Variants in GALNTL6 observed in about 807,000 individuals in gnomAD.
GALNTL6 encodes the protein polypeptide N-acetylgalactosaminyltransferase like 6, also known as polypeptide N-acetylgalactosaminyltransferase-like 6.
A neutral mutation model predicts 73.7 loss-of-function variants in GALNTL6; 46 were observed. The observed-to-expected ratio is 0.62, with a 90% CI of 0.49 to 0.80. The LOEUF (loss-of-function observed/expected upper bound fraction) is 0.80, where lower values mean the gene tolerates loss of function less well. Among genes scored for constraint, GALNTL6 ranks in the 30% least tolerant of loss-of-function variants. The probability of loss-of-function intolerance (pLI) is 0.00; values close to 1 mark genes in which losing one functional copy is unlikely to be tolerated. For synonymous variants in GALNTL6, 259 were observed against 263.7 expected (o/e 0.98, Z 0.17); for missense variants, 604 against 755.0 (o/e 0.80, Z 2.34).
At chr4:171,873,357 C>T (rs546468618) in intron 2 of GALNTL6, among the ~76,000 whole-genome samples, 27 of 152,106 alleles carry the variant, frequency 1.8e-4, no homozygotes, top group Non-Finnish European at 2.5e-4. Flanking sequence ...ATCTTTTCTA[C>T]GCCATATGTA....
At chr4:172,282,937 A>T (rs1248940130) in intron 3 of GALNTL6, among the ~76,000 whole-genome samples, 1 of 152,162 alleles carries the variant, frequency 6.6e-6, no homozygotes, top group African/African-American at 2.4e-5. Context: ...TAAGACAAGG[A>T]AGAAATTAAG....
chr4:172,133,774 G>T (rs898592233), intron 2 of GALNTL6, among the ~76,000 whole-genome samples: 1 of 152,196 alleles, frequency 6.6e-6, no homozygotes, highest in Admixed American at 6.5e-5. Context: ...AGCATGGAAA[G>T]GCATGGCATA....
intron 2 of GALNTL6, among the ~76,000 whole-genome samples, chr4:172,197,189 A>G (rs573382788): frequency 7.9e-5 from 12 of 151,792 alleles, no homozygotes; most frequent in Admixed American, 3.3e-4. Flanking sequence ...TTCATGTACA[A>G]TTGCTACAAA....
chr4:172,193,342 T>C (rs1735643509), intron 2 of GALNTL6, among the ~76,000 whole-genome samples: 1 of 152,148 alleles, frequency 6.6e-6, no homozygotes, highest in Non-Finnish European at 1.5e-5. Flanking sequence ...TTTGCTGTTT[T>C]TCAGCATTCA....
intron 2 of GALNTL6, among the ~76,000 whole-genome samples, chr4:172,162,319 A>G (rs1189044841): frequency 6.6e-6 from 1 of 151,842 alleles, no homozygotes; most frequent in African/African-American, 2.4e-5. Context: ...GGAAATCAAT[A>G]TTATCTGTGA....
At chr4:172,173,804 T>C (rs1219060186) in intron 2 of GALNTL6, among the ~76,000 whole-genome samples, 1 of 152,148 alleles carries the variant, frequency 6.6e-6, no homozygotes, top group Non-Finnish European at 1.5e-5. Context: ...ATAGGGTATT[T>C]GAGTCAGAAG....
intron 9 of GALNTL6, 27 bp from the exon 10 acceptor site, chr4:172,952,010 T>C: frequency 7.1e-7 from 1 of 1,414,150 alleles, no homozygotes; most frequent in Non-Finnish European, 9.3e-7. Flanking sequence ...AACCAATAAA[T>C]GACATTTTTG....
intron 2 of GALNTL6, among the ~76,000 whole-genome samples, chr4:171,940,579 T>G (rs1738499613): frequency 6.6e-6 from 1 of 152,068 alleles, no homozygotes; most frequent in Non-Finnish European, 1.5e-5. Context: ...TTCAACATTT[T>G]GAGAGGCCAA....
chr4:171,872,619 G>A (rs944148480), intron 2 of GALNTL6, among the ~76,000 whole-genome samples: 2 of 152,158 alleles, frequency 1.3e-5, no homozygotes, highest in Admixed American at 6.5e-5. Flanking sequence ...TCCCTTTGGA[G>A]GTGCTAGGGA....
chr4:172,187,209 T>G (rs1357311697), intron 2 of GALNTL6, among the ~76,000 whole-genome samples: 2 of 152,148 alleles, frequency 1.3e-5, no homozygotes, highest in Non-Finnish European at 2.9e-5. Flanking sequence ...TTTTCTATCA[T>G]GGTAATGAAA....
intron 5 of GALNTL6, among the ~76,000 whole-genome samples, chr4:172,565,942 A>C (rs377092892): frequency 4.6e-5 from 7 of 152,176 alleles, no homozygotes; most frequent in African/African-American, 1.7e-4. Flanking sequence ...GAGACAAAGA[A>C]GGACATTATA....
At chr4:172,625,437 C>T (rs1246651569) in intron 5 of GALNTL6, among the ~76,000 whole-genome samples, 3 of 151,724 alleles carry the variant, frequency 2.0e-5, no homozygotes, top group Admixed American at 6.6e-5. Flanking sequence ...TCCAATCTGC[C>T]GTTGATTCTA....
At chr4:172,792,237 T>C (rs1740033742) in intron 5 of GALNTL6, among the ~76,000 whole-genome samples, 1 of 152,230 alleles carries the variant, frequency 6.6e-6, no homozygotes, top group South Asian at 2.1e-4. Flanking sequence ...TGGCCAATAG[T>C]ATGTAATGTA....
chr4:172,676,435 G>A (rs1282674515), intron 5 of GALNTL6, among the ~76,000 whole-genome samples: 4 of 152,102 alleles, frequency 2.6e-5, no homozygotes, highest in Non-Finnish European at 5.9e-5. Flanking sequence ...GAAAATAGAC[G>A]TCTATTCTAC....
At chr4:172,122,414 T>C (rs1212096807) in intron 2 of GALNTL6, among the ~76,000 whole-genome samples, 4 of 152,272 alleles carry the variant, frequency 2.6e-5, no homozygotes, top group East Asian at 3.9e-4. Context: ...AGTTTGAATG[T>C]TTCTGGTTAT....
rs541928227 is a variant in GALNTL6, at chr4:172,529,354, A to G, written c.553+180665A>G. On this transcript the variant is annotated intron_variant, in intron 5 of 12. Coordinates refer to ENST00000506823, the MANE Select transcript of GALNTL6 (RefSeq NM_001034845.3). ...TTGGCCAATATTACATTTATTTTCT[A>G]TACTACTTTAGGTCTTGAAACTGCT... Among the ~76,000 whole-genome samples the G allele has an allele frequency of 5.3e-5, 8 of 152,162 alleles. No individual in the cohort carries two copies. The East Asian group carries it at 1.6e-3, about 30-fold the overall frequency.
At chr4:172,306,915 T>C (rs1740159845) in intron 3 of GALNTL6, among the ~76,000 whole-genome samples, 1 of 152,220 alleles carries the variant, frequency 6.6e-6, no homozygotes, top group South Asian at 2.1e-4. Context: ...ATTGTGCTGT[T>C]ATAAACATGC....
intron 2 of GALNTL6, among the ~76,000 whole-genome samples, chr4:171,842,098 G>T (rs2877674): frequency 2.6e-5 from 4 of 151,976 alleles, no homozygotes; most frequent in African/African-American, 4.8e-5. Context: ...ATCTTTTCAC[G>T]TACCTTTCGG....
At chr4:172,911,848 C>A (rs1004511879) in intron 8 of GALNTL6, among the ~76,000 whole-genome samples, 3 of 152,098 alleles carry the variant, frequency 2.0e-5, no homozygotes, top group Non-Finnish European at 4.4e-5. Flanking sequence ...TTCCTAATTC[C>A]CTGTTTAATT....
Sources: allele counts gnomAD v4.1 joint callset (sites outside exome capture counted in the v4.1 genomes callset), GRCh38; gene constraint gnomAD v4.1.1; transcripts MANE v1.5; gene names NCBI Gene and HGNC (gene_info 2026-07-23, HGNC 2026-07-21).